The following ITK variants were observed in gnomAD, a reference collection of about 807,000 sequenced individuals.
The protein encoded by ITK is IL2 inducible T cell kinase.
ITK carries 45 observed loss-of-function variants against 87.6 expected under a neutral mutation model. The observed-to-expected ratio is 0.51, with a 90% CI of 0.40 to 0.66. ITK has a LOEUF of 0.66. Ranked by LOEUF, ITK falls within the 30% of genes least tolerant of loss-of-function variation. ITK has a pLI of 0.00. For missense variants in ITK, 605 were observed against 766.3 expected (o/e 0.79, Z 2.48); for synonymous variants, 303 against 273.6 (o/e 1.11, Z -1.06).
At chr5:157,188,974 C>G (rs1031887679) in intron 1 of ITK, among the ~76,000 whole-genome samples, 12 of 152,072 alleles carry the variant, frequency 7.9e-5, no homozygotes, top group African/African-American at 2.9e-4. Flanking sequence ...GTTCTGGGCA[C>G]TGGTTAGTTG....
intron 5 of ITK, among the ~76,000 whole-genome samples, chr5:157,220,107 CAGAG>C: frequency 6.6e-6 from 1 of 152,144 alleles, no homozygotes; most frequent in Admixed American, 6.5e-5. Context: ...GGTTGTCATA[CAGAG>C]AAACTGTTTT....
In ITK at chr5:157,252,901, A is replaced by G; in HGVS notation, c.*223A>G. The stretch of plus-strand genomic sequence containing the variant: ...ACCAAGCTGGGAGCTGAGCCAGAAC[A>G]GGAGTGATGTCTCTGCCCTTCCTCT... On this transcript the variant is annotated 3_prime_UTR_variant, in exon 17 of 17. Transcript: ENST00000422843. 1 of 590,624 alleles carries G rather than the reference A, an allele frequency of 1.7e-6. No homozygotes were observed. The allele number at this position is 590,624 out of a possible 1,614,324, so 36.6% of individuals were successfully genotyped here.
At chr5:157,249,079 G>A (rs1755086859) in intron 16 of ITK, 72 bp downstream of exon 16, 1 of 1,340,440 alleles carries the variant, frequency 7.5e-7, no homozygotes, top group Non-Finnish European at 1.1e-6. Flanking sequence ...CCTAGAGAAA[G>A]GAACCCTCTC....
At chr5:157,234,566 A>T (rs1754738706) in intron 8 of ITK, among the ~76,000 whole-genome samples, 1 of 152,160 alleles carries the variant, frequency 6.6e-6, no homozygotes, top group Non-Finnish European at 1.5e-5. Context: ...TTCTTTGTCC[A>T]GTCTATCATT....
intron 8 of ITK, 95 bp downstream of exon 8, chr5:157,232,489 G>A (rs1220534718): frequency 8.3e-6 from 7 of 844,614 alleles, no homozygotes; most frequent in Non-Finnish European, 1.4e-5. Context: ...GGCCAAGGTG[G>A]GAGGATCACT....
At chr5:157,214,359 C>G (rs1223694717) in intron 4 of ITK, 40 bp downstream of exon 4, 1 of 1,579,134 alleles carries the variant, frequency 6.3e-7, no homozygotes, top group Non-Finnish European at 8.7e-7. Context: ...TGTGAAATGA[C>G]CATAAAAAAG....
At position 157,246,115 on chromosome 5, in the gene ITK, T is replaced by A. The variant is rs1396762414; in HGVS notation, c.1633+116T>A. Reference sequence around the variant, plus strand: ...AACCCTGTATCATATCATGAGGGTGTCCCACTGGAGGGTTGTGTAAGAAAG... The same window carrying A: ...AACCCTGTATCATATCATGAGGGTGACCCACTGGAGGGTTGTGTAAGAAAG... On this transcript the variant is annotated intron_variant, in intron 15 of 16. Transcript: ENST00000422843. The A allele has an allele frequency of 3.7e-6, 3 of 812,794 alleles. No individual in the cohort carries two copies. The African/African-American group carries it at 5.0e-5, about 14-fold the overall frequency. 50.3% of individuals were successfully genotyped at this position (812,794 alleles called of 1,614,324 possible). A position where few individuals can be genotyped will look rare whatever the true frequency, so the allele number is the denominator to read the frequency against.
At position 157,245,189 on chromosome 5, in the gene ITK, C is replaced by T. The variant is rs189070993; in HGVS notation, c.1450-537C>T. The T allele has an allele frequency of 4.3e-3, 811 of 187,352 alleles. 6 individuals are homozygous for T. The highest frequency in any genetic ancestry group is 0.019 in the African/African-American group (772 of 40,264). 11.6% of individuals were successfully genotyped at this position (187,352 alleles called of 1,614,324 possible). A position where few individuals can be genotyped will look rare whatever the true frequency, so the allele number is the denominator to read the frequency against. On this transcript the variant is annotated intron_variant, in intron 13 of 16. Coordinates refer to ENST00000422843, the MANE Select transcript of ITK (RefSeq NM_005546.4). ...GCAGTGAGCTGAGATCAAGCCACTACACTCCAGCCTGGGTGACACAGTAAG... is the reference window on the plus strand; with the variant it reads ...GCAGTGAGCTGAGATCAAGCCACTATACTCCAGCCTGGGTGACACAGTAAG...
chr5:157,184,754 A>T (rs1391879443), intron 1 of ITK, among the ~76,000 whole-genome samples: 2 of 152,218 alleles, frequency 1.3e-5, no homozygotes, highest in African/African-American at 2.4e-5. Context: ...GCTTTTTACC[A>T]ATTGCTACAT....
chr5:157,241,876 A>G (rs758405458), intron 11 of ITK, among the ~76,000 whole-genome samples, 156 bp downstream of exon 11: 5 of 152,244 alleles, frequency 3.3e-5, no homozygotes, highest in Non-Finnish European at 4.4e-5. Flanking sequence ...ATGAATATTT[A>G]CATTGTGTGT....
At chr5:157,236,545 TC>T (rs1754779105) in intron 8 of ITK, among the ~76,000 whole-genome samples, 2 of 152,168 alleles carry the variant, frequency 1.3e-5, no homozygotes, top group Non-Finnish European at 2.9e-5. Flanking sequence ...TTCCTTATAC[TC>T]CAAGTGTATG....
chr5:157,182,227 G>T (rs2113733285), intron 1 of ITK, among the ~76,000 whole-genome samples: 1 of 152,240 alleles, frequency 6.6e-6, no homozygotes, highest in East Asian at 1.9e-4. Flanking sequence ...GTGCCTGATG[G>T]TCACTTAGAA....
intron 1 of ITK, among the ~76,000 whole-genome samples, chr5:157,198,939 T>A (rs948035488): frequency 4.6e-5 from 7 of 152,088 alleles, no homozygotes; most frequent in Admixed American, 2.0e-4. Context: ...ACTTTTAAAA[T>A]TTTTTTGTAG....
intron 16 of ITK, among the ~76,000 whole-genome samples, chr5:157,250,817 A>C (rs1343672517): frequency 6.6e-6 from 1 of 151,748 alleles, no homozygotes; most frequent in African/African-American, 2.4e-5. Flanking sequence ...TCCTTCACTT[A>C]GTAATATGCC....
At chr5:157,207,287 G>T (rs563762511) in intron 1 of ITK, among the ~76,000 whole-genome samples, 122 of 145,090 alleles carry the variant, frequency 8.4e-4, no homozygotes, top group African/African-American at 2.9e-3. Context: ...CCCCCACCTC[G>T]CCCATTCTGA....
chr5:157,231,271 T>C (rs1238449929), intron 7 of ITK, among the ~76,000 whole-genome samples: 2 of 152,202 alleles, frequency 1.3e-5, no homozygotes, highest in Non-Finnish European at 2.9e-5. Context: ...CTTGCTGGCA[T>C]TCCCTTCCCA....
At chr5:157,217,791 C>G in intron 4 of ITK, 76 bp from the exon 5 acceptor site, 2 of 1,335,698 alleles carry the variant, frequency 1.5e-6, no homozygotes, top group Non-Finnish European at 1.1e-6. Flanking sequence ...TCAGAAAAAC[C>G]CCCTGGCTGC....
At chr5:157,209,286 C>G (rs1049929277) in intron 2 of ITK, among the ~76,000 whole-genome samples, 1 of 150,086 alleles carries the variant, frequency 6.7e-6, no homozygotes, top group South Asian at 2.1e-4. Context: ...GAGCCAAGAT[C>G]GTGCCATTCA....
Position 157,254,151 on chromosome 5 carries a change from A to T in ITK, c.*1473A>T. The stretch of plus-strand genomic sequence containing the variant: ...GAAACGGATTGCAGAGGGAATAAAT[A>T]CAAAGATGGAAAGCCAGTAAAGAAG... On this transcript the variant is annotated 3_prime_UTR_variant, in exon 17 of 17. Transcript: ENST00000422843. The T allele has an allele frequency of 4.4e-6, 1 of 229,218 alleles. No individual in the cohort carries two copies. The highest frequency in any genetic ancestry group is 8.7e-6 in the Non-Finnish European group (1 of 115,544). The allele number at this position is 229,218 out of a possible 1,614,324, so 14.2% of individuals were successfully genotyped here.
Sources: gnomAD v4.1 joint callset for allele counts (sites outside exome capture counted in the v4.1 genomes callset) on GRCh38, gnomAD v4.1.1 for gene constraint, MANE v1.5 for transcripts, NCBI Gene and HGNC (gene_info 2026-07-23, HGNC 2026-07-21) for gene names.